Variants in BTBD9 observed in about 807,000 individuals in gnomAD.
BTBD9 encodes BTB domain containing 9.
BTBD9 carries 49 observed loss-of-function variants against 64.3 expected under a neutral mutation model. The observed-to-expected ratio is 0.76, with a 90% CI of 0.61 to 0.97. The LOEUF is 0.97. Among genes scored for constraint, BTBD9 ranks in the 50% least tolerant of loss-of-function variants. The pLI is 0.00. For synonymous variants in BTBD9, 260 were observed against 274.7 expected, an observed-to-expected ratio of 0.95 and a Z score of 0.53; for missense variants, 598 against 762.1, an observed-to-expected ratio of 0.78 and a Z score of 2.53.
chr6:38,563,494 G>A lies in BTBD9; in HGVS notation c.1154+14106C>T, dbSNP rs565034564. ...CAACTCAATCCATTCCCCACAAGGA[G>A]GCAAAGTCTTTAAAAAACTAAAGTC... On this transcript the variant is annotated intron_variant, in intron 6 of 10. Transcript: ENST00000481247. 9.2e-5 allele frequency among the ~76,000 whole-genome samples: 14 copies of A among 152,210 alleles called. No homozygotes were observed. The East Asian group carries it at 2.7e-3, about 29-fold the overall frequency.
chr6:38,515,396 A>G (rs1241293624), intron 6 of BTBD9, among the ~76,000 whole-genome samples: 1 of 152,212 alleles, frequency 6.6e-6, no homozygotes, highest in African/African-American at 2.4e-5. Flanking sequence ...GTGGTAAATA[A>G]GCGAATTTGC....
At chr6:38,314,972 C>T (rs573826741) in intron 7 of BTBD9, among the ~76,000 whole-genome samples, 3 of 152,282 alleles carry the variant, frequency 2.0e-5, no homozygotes, top group South Asian at 4.1e-4. Context: ...GCCTCAGCCT[C>T]CAAGTATCTG....
intron 7 of BTBD9, among the ~76,000 whole-genome samples, chr6:38,289,478 C>T (rs1761877692): frequency 6.6e-6 from 1 of 152,116 alleles, no homozygotes; most frequent in South Asian, 2.1e-4. Context: ...TTAGTAGTCT[C>T]TAAGCTGCAG....
chr6:38,353,264 C>G (rs1764593724), intron 6 of BTBD9, among the ~76,000 whole-genome samples: 3 of 152,166 alleles, frequency 2.0e-5, no homozygotes, highest in Middle Eastern at 3.2e-3. Flanking sequence ...ATTTGAATTT[C>G]AAGCAATGTC....
At chr6:38,374,307 G>GTATGTA (rs1765576349) in intron 6 of BTBD9, among the ~76,000 whole-genome samples, 1 of 59,124 alleles carries the variant, frequency 1.7e-5, no homozygotes, top group Non-Finnish European at 3.0e-5. Context: ...GTATATATAT[G>GTATGTA]TATATATATA....
intron 6 of BTBD9, among the ~76,000 whole-genome samples, chr6:38,536,193 A>T (rs1314776448): frequency 6.6e-6 from 1 of 152,164 alleles, no homozygotes; most frequent in African/African-American, 2.4e-5. Context: ...TCAAAAGAAG[A>T]CATACAAATG....
At chr6:38,256,075 A>G (rs1408132043) in intron 9 of BTBD9, among the ~76,000 whole-genome samples, 1 of 151,960 alleles carries the variant, frequency 6.6e-6, no homozygotes, top group Non-Finnish European at 1.5e-5. Context: ...GTTAAAAAAA[A>G]AAAGTAGTGT....
At chr6:38,586,180 C>A (rs1776512179) in intron 4 of BTBD9, among the ~76,000 whole-genome samples, 1 of 152,024 alleles carries the variant, frequency 6.6e-6, no homozygotes, top group African/African-American at 2.4e-5. Flanking sequence ...AACAAAAAAG[C>A]ACTAACTTTT....
At chr6:38,404,550 A>AT (rs1443922921) in intron 6 of BTBD9, among the ~76,000 whole-genome samples, 1 of 116,806 alleles carries the variant, frequency 8.6e-6, no homozygotes, top group African/African-American at 4.6e-5. Flanking sequence ...GAGCAAGTCA[A>AT]TAAAAAAAAA....
chr6:38,631,748 T>G (rs1425557305), intron 1 of BTBD9, among the ~76,000 whole-genome samples: 1 of 152,170 alleles, frequency 6.6e-6, no homozygotes, highest in Non-Finnish European at 1.5e-5. Context: ...GTCAAAAGCT[T>G]GATTGCAACT....
At chr6:38,246,942 G>A (rs1346930154) in intron 9 of BTBD9, among the ~76,000 whole-genome samples, 1 of 152,154 alleles carries the variant, frequency 6.6e-6, no homozygotes, top group African/African-American at 2.4e-5. Context: ...TATCAATGAG[G>A]AAGACATTTC....
chr6:38,342,909 C>T (rs1312463209), intron 7 of BTBD9, among the ~76,000 whole-genome samples: 1 of 152,126 alleles, frequency 6.6e-6, no homozygotes, highest in Non-Finnish European at 1.5e-5. Context: ...AACGAAATCC[C>T]CCTGAACTTC....
intron 10 of BTBD9, chr6:38,179,914 G>T: frequency 6.9e-6 from 3 of 436,436 alleles, no homozygotes; most frequent in Non-Finnish European, 1.4e-5. Flanking sequence ...CCAGGCAAAG[G>T]GAACGAGGAG....
intron 6 of BTBD9, among the ~76,000 whole-genome samples, chr6:38,522,433 A>G (rs1018827023): frequency 5.9e-5 from 9 of 152,170 alleles, no homozygotes; most frequent in Non-Finnish European, 8.8e-5. Flanking sequence ...TTCAATAACT[A>G]TTTTAGGCTC....
At chr6:38,264,627 A>C (rs1249490812) in intron 8 of BTBD9, among the ~76,000 whole-genome samples, 1 of 152,216 alleles carries the variant, frequency 6.6e-6, no homozygotes, top group Admixed American at 6.5e-5. Context: ...GGTGAGAAAG[A>C]GGGACTTTCC....
chr6:38,177,697 G>C (rs766990403), intron 10 of BTBD9, among the ~76,000 whole-genome samples: 1 of 152,120 alleles, frequency 6.6e-6, no homozygotes, highest in Admixed American at 6.5e-5. Flanking sequence ...CCGACCTGTC[G>C]GTGCCCTGGT....
chr6:38,245,925 C>A (rs1289705769), intron 9 of BTBD9, among the ~76,000 whole-genome samples: 1 of 152,004 alleles, frequency 6.6e-6, no homozygotes, highest in African/African-American at 2.4e-5. Context: ...TTATAACAGG[C>A]ATGGAAAAAA....
intron 6 of BTBD9, among the ~76,000 whole-genome samples, chr6:38,515,383 T>C (rs1362730862): frequency 1.3e-5 from 2 of 152,174 alleles, no homozygotes; most frequent in Admixed American, 6.5e-5. Flanking sequence ...GGCAAAATGC[T>C]GGGTGGTAAA....
intron 6 of BTBD9, among the ~76,000 whole-genome samples, chr6:38,503,867 A>G (rs1278851134): frequency 2.0e-5 from 3 of 152,224 alleles, no homozygotes; most frequent in Non-Finnish European, 4.4e-5. Context: ...TCAGTTGGTC[A>G]AGAAAAATCA....
Sources: allele counts gnomAD v4.1 joint callset (sites outside exome capture counted in the v4.1 genomes callset), GRCh38; gene constraint gnomAD v4.1.1; transcripts MANE v1.5; gene names NCBI Gene and HGNC (gene_info 2026-07-23, HGNC 2026-07-21).